DOCK10: variants seen among roughly 807,000 people sequenced by gnomAD.
DOCK10 encodes the protein dedicator of cytokinesis 10.
DOCK10 carries 145 observed loss-of-function variants against 280.1 expected under a neutral mutation model. The observed-to-expected ratio is 0.52, with a 90% CI of 0.45 to 0.59. The LOEUF is 0.59. Ranked by LOEUF, DOCK10 falls within the 20% of genes least tolerant of loss-of-function variation. The pLI is 0.00. For synonymous variants in DOCK10, 915 were observed against 942.2 expected (o/e 0.97, Z 0.53); for missense variants, 2,368 against 2,651.7 (o/e 0.89, Z 2.35).
At chr2:224,942,270 C>T (rs947835428) in intron 1 of DOCK10, among the ~76,000 whole-genome samples, 2 of 152,242 alleles carry the variant, frequency 1.3e-5, no homozygotes, top group Non-Finnish European at 2.9e-5. Context: ...CAGCTCACAC[C>T]CAGGTCCTCT....
At position 225,042,429 on chromosome 2, in the gene DOCK10, C is replaced by T; in HGVS notation, c.-55G>A. 3 of 1,228,472 alleles carry T rather than the reference C, an allele frequency of 2.4e-6. No individual in the cohort carries two copies. The highest frequency in any genetic ancestry group is 1.0e-6 in the Non-Finnish European group (1 of 983,460). 76.1% of individuals were successfully genotyped at this position (1,228,472 alleles called of 1,614,324 possible). On this transcript the variant is annotated 5_prime_UTR_variant, in exon 1 of 56. Coordinates refer to ENST00000258390, the MANE Select transcript of DOCK10 (RefSeq NM_014689.3). The surrounding 1 kb of genome is among the most constrained non-coding windows in gnomAD (Gnocchi z 5.1). Reference sequence around the variant, plus strand: ...CGGGGCGCGCCTCCCGCCGGTCTTCCCCGCGCCAACCTTCTCTATCCACCC... The same window carrying T: ...CGGGGCGCGCCTCCCGCCGGTCTTCTCCGCGCCAACCTTCTCTATCCACCC...
chr2:224,880,047 G>GA (rs1191713387), intron 7 of DOCK10, among the ~76,000 whole-genome samples: 2 of 152,014 alleles, frequency 1.3e-5, no homozygotes, highest in Non-Finnish European at 2.9e-5. Flanking sequence ...TGAAGATGCC[G>GA]AACACTAACA....
intron 1 of DOCK10, among the ~76,000 whole-genome samples, chr2:225,011,553 T>C (rs1206964172): frequency 6.6e-6 from 1 of 152,254 alleles, no homozygotes; most frequent in African/African-American, 2.4e-5. Flanking sequence ...ATAAAATGTT[T>C]ATGTTGGCAG....
rs116102462 is a variant in DOCK10, at chr2:224,767,754, C to T, written c.6445-1917G>A. Among the ~76,000 whole-genome samples, 867 of 152,260 alleles carry T rather than the reference C, an allele frequency of 5.7e-3. 11 individuals carry two copies. Among genetic ancestry groups the T allele is most frequent in the African/African-American group, 0.019 (793 of 41,550 alleles). On this transcript the variant is annotated intron_variant, in intron 55 of 55. Transcript: ENST00000258390. The stretch of plus-strand genomic sequence containing the variant: ...TGCTGGATCACCATCTTCATGTTTG[C>T]TGGCTCTCTGAATAAACCTGCTTTT...
At chr2:224,806,763 C>G (rs936744765) in intron 33 of DOCK10, among the ~76,000 whole-genome samples, 6 of 152,050 alleles carry the variant, frequency 3.9e-5, no homozygotes, top group African/African-American at 1.4e-4. Flanking sequence ...TGCCACCATG[C>G]CCAGCTAATT....
intron 55 of DOCK10, among the ~76,000 whole-genome samples, chr2:224,769,286 G>A (rs183567961): frequency 2.0e-5 from 3 of 152,172 alleles, no homozygotes; most frequent in Admixed American, 6.5e-5. Context: ...TGGAAAAACC[G>A]AAAAGAAGCA....
At chr2:224,931,806 G>T in intron 1 of DOCK10, 138 bp from the exon 2 acceptor site, 1 of 908,738 alleles carries the variant, frequency 1.1e-6, no homozygotes, top group Non-Finnish European at 1.5e-6. Context: ...AGAGACTCCA[G>T]GAATTTAGGG....
At chr2:225,022,824 T>C (rs767927974) in intron 1 of DOCK10, among the ~76,000 whole-genome samples, 2 of 152,216 alleles carry the variant, frequency 1.3e-5, no homozygotes, top group Non-Finnish European at 2.9e-5. Flanking sequence ...TTGGTATACA[T>C]GGAATTTTCT....
At chr2:224,961,438 CTT>C (rs1359861612) in intron 1 of DOCK10, among the ~76,000 whole-genome samples, 1 of 128,232 alleles carries the variant, frequency 7.8e-6, no homozygotes, top group Admixed American at 8.5e-5. Flanking sequence ...TTCTTTCTTT[CTT>C]TCTTTCTTTC....
At chr2:225,016,663 A>G (rs1467918390) in intron 1 of DOCK10, among the ~76,000 whole-genome samples, 5 of 78,602 alleles carry the variant, frequency 6.4e-5, no homozygotes, top group African/African-American at 3.3e-4. Flanking sequence ...ATACATAGAT[A>G]CATATATCTA....
intron 1 of DOCK10, among the ~76,000 whole-genome samples, chr2:225,014,095 T>TG (rs1211863767): frequency 1.6e-5 from 1 of 61,982 alleles, no homozygotes; most frequent in African/African-American, 1.1e-4. Context: ...TTTTTTTTTT[T>TG]TTGTTTTTTT....
chr2:224,894,111 C>A (rs974826614), intron 4 of DOCK10, among the ~76,000 whole-genome samples: 38 of 152,188 alleles, frequency 2.5e-4, no homozygotes, highest in Non-Finnish European at 4.3e-4. Context: ...TTAACTTCCA[C>A]TTTCTTTAGT....
At chr2:224,900,129 T>C (rs1700210325) in intron 3 of DOCK10, among the ~76,000 whole-genome samples, 2 of 152,194 alleles carry the variant, frequency 1.3e-5, no homozygotes, top group African/African-American at 2.4e-5. Flanking sequence ...ATGGTACCTA[T>C]GTTTGACCAT....
chr2:225,011,381 C>T (rs1689430449), intron 1 of DOCK10, among the ~76,000 whole-genome samples: 1 of 152,010 alleles, frequency 6.6e-6, no homozygotes. Flanking sequence ...CTTTCCATAG[C>T]CAGAGAGAAA....
chr2:224,976,621 C>T (rs1201975349), intron 1 of DOCK10, among the ~76,000 whole-genome samples: 1 of 150,734 alleles, frequency 6.6e-6, no homozygotes, highest in African/African-American at 2.4e-5. Context: ...AGGGAAAAAA[C>T]CAAGTTCCCT....
Position 224,854,983 on chromosome 2 carries a change from T to C in DOCK10, c.1868A>G (p.Asn623Ser), listed in dbSNP as rs1031714462. 1.9e-6 allele frequency: 3 copies of C among 1,609,432 alleles called. No homozygotes were observed. The highest frequency in any genetic ancestry group is 1.3e-5 in the African/African-American group (1 of 74,588). Residue 623 changes from asparagine to serine, a missense_variant, in exon 16 of 56, where the codon AAC becomes AGC. Coordinates refer to ENST00000258390, the MANE Select transcript of DOCK10 (RefSeq NM_014689.3). ...IPGSLDIAVD[N>S]VPLEHPNCVT... ...CATACTTGGATGCTCCAAGGGAACG[T>C]TGTCAACAGCAATATCCAGGCTTCC... is the stretch of plus-strand genomic sequence containing the variant.
chr2:225,011,744 C>T (rs1339373910), intron 1 of DOCK10, among the ~76,000 whole-genome samples: 6 of 152,106 alleles, frequency 3.9e-5, no homozygotes, highest in African/African-American at 1.2e-4. Flanking sequence ...AGGGAGGCCA[C>T]GTCAATATGC....
chr2:224,998,185 T>C (rs1259181565), intron 1 of DOCK10, among the ~76,000 whole-genome samples: 1 of 152,178 alleles, frequency 6.6e-6, no homozygotes, highest in Non-Finnish European at 1.5e-5. Flanking sequence ...TAAATATGAA[T>C]TGGAAAGTGG....
chr2:224,786,976 A>G lies in DOCK10; in HGVS notation c.5655+46T>C. On this transcript the variant is annotated intron_variant, in intron 50 of 55. Coordinates refer to ENST00000258390, the MANE Select transcript of DOCK10 (RefSeq NM_014689.3). This position sits in a 1 kb window ranked among gnomAD's most constrained non-coding sequence, Gnocchi z 4.7. Reference sequence around the variant, plus strand: ...CATAAAGAATGAAAGACAACATTCAACTGCTCAGCAGAATTTATGGGCCGT... The same window carrying G: ...CATAAAGAATGAAAGACAACATTCAGCTGCTCAGCAGAATTTATGGGCCGT... 2 of 1,389,528 alleles carry G rather than the reference A, an allele frequency of 1.4e-6. No homozygotes were observed. The highest frequency in any genetic ancestry group is 4.6e-5 in the East Asian group (2 of 43,834). The allele number at this position is 1,389,528 out of a possible 1,614,324, so 86.1% of individuals were successfully genotyped here.
Sources: gnomAD v4.1 joint callset for allele counts (sites outside exome capture counted in the v4.1 genomes callset) on GRCh38, gnomAD v4.1.1 for gene constraint, Gnocchi (gnomAD v3.1) non-coding constraint, MANE v1.5 for transcripts, NCBI Gene and HGNC (gene_info 2026-07-23, HGNC 2026-07-21) for gene names.